Variants in ROCK2 observed in about 807,000 individuals in gnomAD.
The protein encoded by ROCK2 is Rho associated coiled-coil containing protein kinase 2.
A neutral mutation model predicts 195.1 loss-of-function variants in ROCK2; 61 were observed. The observed-to-expected ratio is 0.31, with a 90% CI of 0.25 to 0.39. The LOEUF is 0.39. ROCK2 is among the 10% of genes least tolerant of loss of function. ROCK2 has a pLI of 1.00. For missense variants in ROCK2, 1,109 were observed against 1,637.4 expected (o/e 0.68, Z 5.57); for synonymous variants, 504 against 545.5 (o/e 0.92, Z 1.06).
Position 11,224,361 on chromosome 2 carries a change from T to A in ROCK2, c.968A>T (p.Lys323Ile), listed in dbSNP as rs754726374. Residue 323 changes from lysine (K) to isoleucine (I), a missense_variant, in exon 7 of 33, where the codon AAA becomes ATA. Around this residue, in one of 6 missense-constraint regions of ROCK2, gnomAD observed 253 missense variants for 455.5 expected, o/e 0.56. Coordinates refer to ENST00000315872, the MANE Select transcript of ROCK2 (RefSeq NM_004850.5). ...LCFPEDAEIS[K>I]HAKNLICAFL... ...AGCACAGATGAGATTCTTTGCATGT[T>A]TGGAAATTTCTGCATCTTCAGGGAA... The A allele has an allele frequency of 9.9e-6, 16 of 1,613,440 alleles. No homozygotes were observed. Among genetic ancestry groups the A allele is most frequent in the East Asian group, 2.2e-5 (1 of 44,830 alleles).
At chr2:11,238,311 C>T (rs1665298594) in intron 4 of ROCK2, among the ~76,000 whole-genome samples, 1 of 150,526 alleles carries the variant, frequency 6.6e-6, no homozygotes, top group African/African-American at 2.5e-5. Context: ...GAAGAGACCA[C>T]CTCATGTACA....
chr2:11,270,126 T>G (rs1558345195), intron 3 of ROCK2, among the ~76,000 whole-genome samples: 1 of 10,422 alleles, frequency 9.6e-5, no homozygotes, highest in African/African-American at 1.3e-4. Flanking sequence ...TCTTTTTTAT[T>G]CGCAATTTTG....
At chr2:11,207,000 A>G (rs1197183475) in intron 20 of ROCK2, among the ~76,000 whole-genome samples, 2 of 152,262 alleles carry the variant, frequency 1.3e-5, no homozygotes, top group Non-Finnish European at 2.9e-5. Context: ...CCGGGATCCA[A>G]TATGACCTTT....
intron 11 of ROCK2, 141 bp downstream of exon 11, chr2:11,218,314 C>A: frequency 1.2e-5 from 6 of 494,450 alleles, no homozygotes; most frequent in Non-Finnish European, 7.1e-6. Context: ...AAAAGAGATA[C>A]TTGGTAGAAG....
At chr2:11,230,466 C>T (rs1393821650) in intron 5 of ROCK2, among the ~76,000 whole-genome samples, 1 of 151,988 alleles carries the variant, frequency 6.6e-6, no homozygotes, top group African/African-American at 2.4e-5. Flanking sequence ...TATCATAGTA[C>T]AGAAAGAACT....
At chr2:11,262,453 A>G (rs1666260683) in intron 3 of ROCK2, among the ~76,000 whole-genome samples, 1 of 152,192 alleles carries the variant, frequency 6.6e-6, no homozygotes, top group Non-Finnish European at 1.5e-5. Context: ...TGTGCCCCCA[A>G]ACAAATCTCA....
At chr2:11,247,936 C>T (rs565906320) in intron 4 of ROCK2, among the ~76,000 whole-genome samples, 1 of 151,888 alleles carries the variant, frequency 6.6e-6, no homozygotes, top group South Asian at 2.1e-4. Flanking sequence ...GCAGGAGAAT[C>T]GCTTGAATCC....
At chr2:11,248,606 G>C (rs566213433) in intron 4 of ROCK2, among the ~76,000 whole-genome samples, 13 of 146,180 alleles carry the variant, frequency 8.9e-5, no homozygotes, top group African/African-American at 3.3e-4. Flanking sequence ...CTATTCGAGA[G>C]ACTGAGGCAG....
At chr2:11,216,137 A>G (rs373159308) in intron 13 of ROCK2, 21 bp downstream of exon 13, 2 of 1,602,544 alleles carry the variant, frequency 1.2e-6, no homozygotes, top group African/African-American at 2.7e-5. Context: ...AAATGTTAAT[A>G]AAAAAGTGGG....
intron 3 of ROCK2, among the ~76,000 whole-genome samples, chr2:11,272,680 G>A (rs1666680371): frequency 6.6e-6 from 1 of 151,950 alleles, no homozygotes; most frequent in Non-Finnish European, 1.5e-5. Context: ...AGGAGTTTGA[G>A]ACCAGCCTTG....
At chr2:11,273,082 G>A (rs1386201557) in intron 3 of ROCK2, among the ~76,000 whole-genome samples, 1 of 51,616 alleles carries the variant, frequency 1.9e-5, no homozygotes, top group Non-Finnish European at 4.7e-5. Context: ...GAGAAATGCA[G>A]GAAATAAGGG....
chr2:11,215,287 C>A (rs1664386558), intron 15 of ROCK2, 34 bp downstream of exon 15: 1 of 1,510,046 alleles, frequency 6.6e-7, no homozygotes, highest in Non-Finnish European at 9.0e-7. Flanking sequence ...AAAAATAAAA[C>A]CCAGTATCTT....
intron 1 of ROCK2, among the ~76,000 whole-genome samples, chr2:11,296,047 A>G (rs1322910116): frequency 1.3e-5 from 2 of 148,686 alleles, no homozygotes; most frequent in South Asian, 2.1e-4. Flanking sequence ...AGAGAGAGAG[A>G]GAGAAAACAA....
chr2:11,333,991 A>C (rs1004501905), intron 1 of ROCK2, among the ~76,000 whole-genome samples: 6 of 152,224 alleles, frequency 3.9e-5, no homozygotes, highest in Admixed American at 2.6e-4. Context: ...ACTGTTTCAC[A>C]ACAATCCGGA....
At chr2:11,263,115 A>T (rs1666292193) in intron 3 of ROCK2, among the ~76,000 whole-genome samples, 1 of 152,182 alleles carries the variant, frequency 6.6e-6, no homozygotes, top group African/African-American at 2.4e-5. Context: ...TTTTATTCCA[A>T]AAAAGGAATT....
chr2:11,299,898 T>C (rs1016088804), intron 1 of ROCK2, among the ~76,000 whole-genome samples: 2 of 152,224 alleles, frequency 1.3e-5, no homozygotes, highest in Admixed American at 1.3e-4. Flanking sequence ...AAGTAAACAC[T>C]TTTTAAAAAT....
intron 1 of ROCK2, chr2:11,308,429 G>A: frequency 1.9e-6 from 3 of 1,606,534 alleles, no homozygotes; most frequent in Non-Finnish European, 2.6e-6. Context: ...AGATGAAGAA[G>A]AGGGTGGTGC....
In ROCK2 at chr2:11,218,955, T is replaced by G; in HGVS notation, c.1320+11A>C. The G allele has an allele frequency of 2.9e-6, 4 of 1,398,542 alleles. No individual in the cohort carries two copies. The highest frequency in any genetic ancestry group is 2.0e-4 in the Middle Eastern group (1 of 5,078). The allele number at this position is 1,398,542 out of a possible 1,614,324, so 86.6% of individuals were successfully genotyped here. A position where few individuals can be genotyped will look rare whatever the true frequency, so the allele number is the denominator to read the frequency against. ...ACTAAAATAACTACAGCAGTAAAAATGTATACGTACTTCATTTTTCCTTGA... is the reference window on the plus strand; with the variant it reads ...ACTAAAATAACTACAGCAGTAAAAAGGTATACGTACTTCATTTTTCCTTGA... On this transcript the variant is annotated intron_variant, in intron 10 of 32. Transcript: ENST00000315872.
chr2:11,216,026 T>A (rs1664413696), intron 13 of ROCK2, 132 bp downstream of exon 13: 2 of 714,424 alleles, frequency 2.8e-6, no homozygotes, highest in Non-Finnish European at 4.9e-6. Context: ...TATAATTTAG[T>A]CCTATCCACC....
Sources: allele counts gnomAD v4.1 joint callset (sites outside exome capture counted in the v4.1 genomes callset), GRCh38; gene constraint gnomAD v4.1.1; regional missense constraint gnomAD v4.1.1; transcripts MANE v1.5; gene names NCBI Gene and HGNC (gene_info 2026-07-23, HGNC 2026-07-21).